The following PPP1R9A variants were observed in gnomAD, a reference collection of about 807,000 sequenced individuals.
PPP1R9A encodes the protein neurabin-1.
PPP1R9A carries 59 observed loss-of-function variants against 141.9 expected under a neutral mutation model. The observed-to-expected ratio is 0.42, with a 90% CI of 0.34 to 0.52. The LOEUF (loss-of-function observed/expected upper bound fraction) is 0.52. PPP1R9A is among the 20% of genes least tolerant of loss of function. The pLI is 0.10. For synonymous variants in PPP1R9A, 500 were observed against 569.7 expected (o/e 0.88, Z 1.74); for missense variants, 1,444 against 1,611.9 (o/e 0.90, Z 1.78).
intron 4 of PPP1R9A, among the ~76,000 whole-genome samples, chr7:95,152,377 A>G (rs751233895): frequency 1.3e-5 from 2 of 152,214 alleles, no homozygotes; most frequent in South Asian, 4.1e-4. Flanking sequence ...AATATTTTAC[A>G]GTAAAGATCC....
chr7:94,978,013 G>T (rs931279227), intron 2 of PPP1R9A, among the ~76,000 whole-genome samples: 1 of 151,646 alleles, frequency 6.6e-6, no homozygotes, highest in Non-Finnish European at 1.5e-5. Flanking sequence ...CACCCGCCTC[G>T]GCCTCCCAAA....
At chr7:95,264,114 A>C (rs1032905087) in intron 12 of PPP1R9A, among the ~76,000 whole-genome samples, 3 of 152,216 alleles carry the variant, frequency 2.0e-5, no homozygotes, top group African/African-American at 7.2e-5. Flanking sequence ...TCTCTGAGAT[A>C]CATAAACTTA....
intron 2 of PPP1R9A, among the ~76,000 whole-genome samples, chr7:95,043,649 G>C (rs1007814795): frequency 1.3e-5 from 2 of 152,178 alleles, no homozygotes; most frequent in African/African-American, 4.8e-5. Context: ...CTTCTCTGCT[G>C]TGCTGCCTGT....
At chr7:94,958,705 C>T (rs909985972) in intron 2 of PPP1R9A, among the ~76,000 whole-genome samples, 1 of 151,970 alleles carries the variant, frequency 6.6e-6, no homozygotes, top group Non-Finnish European at 1.5e-5. Flanking sequence ...TGTATTCGCT[C>T]TCTTGTTACA....
At chr7:95,029,251 A>G (rs538562893) in intron 2 of PPP1R9A, among the ~76,000 whole-genome samples, 91 of 152,298 alleles carry the variant, frequency 6.0e-4, no homozygotes, top group African/African-American at 2.1e-3. Context: ...CTACTTTTTA[A>G]AAGATGGTAT....
intron 9 of PPP1R9A, among the ~76,000 whole-genome samples, chr7:95,248,273 C>T (rs141662447): frequency 6.7e-6 from 1 of 150,104 alleles, no homozygotes; most frequent in Non-Finnish European, 1.5e-5. Flanking sequence ...TACCCTCCCC[C>T]GCCCCCAATC....
chr7:94,960,531 G>A (rs77621315), intron 2 of PPP1R9A, among the ~76,000 whole-genome samples: 2,102 of 151,562 alleles, frequency 0.014, 36 homozygotes, highest in African/African-American at 0.048. Flanking sequence ...TGAAAGTAGG[G>A]GTAGAAAAAG....
At chr7:95,126,514 C>T (rs565441408) in intron 4 of PPP1R9A, among the ~76,000 whole-genome samples, 1 of 152,268 alleles carries the variant, frequency 6.6e-6, no homozygotes, top group South Asian at 2.1e-4. Flanking sequence ...TTTTTACAAA[C>T]TAGCCAGGTA....
intron 6 of PPP1R9A, among the ~76,000 whole-genome samples, chr7:95,202,939 C>T (rs1789899616): frequency 6.6e-6 from 1 of 151,872 alleles, no homozygotes; most frequent in Admixed American, 6.6e-5. Flanking sequence ...TATTTGGCTT[C>T]CTTAAATATT....
chr7:95,016,352 GAAAT>G (rs1310827307), intron 2 of PPP1R9A, among the ~76,000 whole-genome samples: 1 of 151,958 alleles, frequency 6.6e-6, no homozygotes, highest in Non-Finnish European at 1.5e-5. Flanking sequence ...ACAATGAGAT[GAAAT>G]AAATAAATGT....
At chr7:95,250,287 A>T (rs1027543670) in intron 10 of PPP1R9A, 32 bp downstream of exon 10, 3 of 1,545,940 alleles carry the variant, frequency 1.9e-6, no homozygotes, top group Non-Finnish European at 2.6e-6. Context: ...AAGAATAGTT[A>T]TGTTTGTCTA....
At chr7:95,287,093 A>G in intron 18 of PPP1R9A, 2 of 1,608,084 alleles carry the variant, frequency 1.2e-6, no homozygotes, top group Non-Finnish European at 1.7e-6. Flanking sequence ...TGATTCTTTT[A>G]TTGCTCCCTC....
chr7:95,231,992 G>T (rs989980713), intron 8 of PPP1R9A, among the ~76,000 whole-genome samples: 2 of 152,082 alleles, frequency 1.3e-5, no homozygotes, highest in Admixed American at 1.3e-4. Flanking sequence ...TAGATCTCTA[G>T]CGAGATTAAC....
At chr7:95,049,329 G>C (rs897202197) in intron 2 of PPP1R9A, among the ~76,000 whole-genome samples, 1 of 152,154 alleles carries the variant, frequency 6.6e-6, no homozygotes, top group African/African-American at 2.4e-5. Flanking sequence ...ACTAATTTGC[G>C]AAGAGATTGG....
chr7:95,052,101 A>G lies in PPP1R9A; in HGVS notation c.1396-59158A>G, dbSNP rs182360819. On this transcript the variant is annotated intron_variant, in intron 2 of 19. Coordinates refer to ENST00000433360, the MANE Select transcript of PPP1R9A (RefSeq NM_001166160.2). Reference sequence around the variant, plus strand: ...GTGATTCACCTGTCTCGGCCTCCCAAAGTGCTGGGATTATAGGCAGGAGCC... The same window carrying G: ...GTGATTCACCTGTCTCGGCCTCCCAGAGTGCTGGGATTATAGGCAGGAGCC... Among the ~76,000 whole-genome samples the G allele has an allele frequency of 4.6e-3, 701 of 152,242 alleles. 3 individuals are homozygous for G. Among genetic ancestry groups the G allele is most frequent in the Non-Finnish European group, 7.5e-3 (513 of 68,024 alleles).
At chr7:95,227,884 T>C (rs1223088434) in intron 8 of PPP1R9A, among the ~76,000 whole-genome samples, 2 of 152,242 alleles carry the variant, frequency 1.3e-5, no homozygotes, top group African/African-American at 4.8e-5. Flanking sequence ...TATCCTCTTT[T>C]GTTTTACATT....
chr7:94,944,454 C>G (rs541362156), intron 2 of PPP1R9A, among the ~76,000 whole-genome samples: 2 of 139,824 alleles, frequency 1.4e-5, no homozygotes, highest in African/African-American at 3.1e-5. Context: ...CACCCCCCCA[C>G]CCCCCGATTA....
At chr7:95,125,041 C>T (rs1372838940) in intron 4 of PPP1R9A, among the ~76,000 whole-genome samples, 1 of 152,156 alleles carries the variant, frequency 6.6e-6, no homozygotes, top group Non-Finnish European at 1.5e-5. Context: ...TCAAAATTTT[C>T]TTTTGTCAAG....
intron 2 of PPP1R9A, among the ~76,000 whole-genome samples, chr7:94,918,400 G>A (rs112916294): frequency 6.4e-4 from 97 of 152,132 alleles, no homozygotes; most frequent in African/African-American, 2.2e-3. Flanking sequence ...AAGGTAAAAG[G>A]AAAGTTAGAA....
Sources: gnomAD v4.1 joint callset for allele counts (sites outside exome capture counted in the v4.1 genomes callset) on GRCh38, gnomAD v4.1.1 for gene constraint, MANE v1.5 for transcripts, NCBI Gene and HGNC (gene_info 2026-07-23, HGNC 2026-07-21) for gene names.